Variants in GART observed in about 807,000 individuals in gnomAD.
GART encodes trifunctional purine biosynthetic protein adenosine-3.
GART carries 43 observed loss-of-function variants against 107.2 expected under a neutral mutation model. That is an observed-to-expected ratio of 0.40 (90% CI 0.31 to 0.52). The LOEUF is 0.52. Among genes scored for constraint, GART ranks in the 20% least tolerant of loss-of-function variants. GART has a pLI of 0.52. For synonymous variants in GART, 434 were observed against 427.0 expected, an observed-to-expected ratio of 1.02 and a Z score of -0.20; for missense variants, 1,107 against 1,206.5, an observed-to-expected ratio of 0.92 and a Z score of 1.22.
At chr21:33,525,485 T>C (rs915912792) in intron 10 of GART, among the ~76,000 whole-genome samples, 9 of 152,222 alleles carry the variant, frequency 5.9e-5, no homozygotes, top group African/African-American at 2.2e-4. Context: ...GCCAAGCTAG[T>C]AGTGGTGTGA....
chr21:33,517,239 C>G (rs1463970763), intron 15 of GART, 98 bp from the exon 16 acceptor site: 9 of 1,558,644 alleles, frequency 5.8e-6, no homozygotes, highest in African/African-American at 1.4e-5. Flanking sequence ...ACAATAATGA[C>G]CAAGTAGCAA....
intron 11 of GART, among the ~76,000 whole-genome samples, chr21:33,523,487 T>C (rs1290436711): frequency 1.3e-5 from 2 of 152,234 alleles, no homozygotes; most frequent in Non-Finnish European, 1.5e-5. Flanking sequence ...CATTTTTAAA[T>C]GAAAAATAAA....
chr21:33,513,345 G>A (rs536091437), intron 16 of GART, among the ~76,000 whole-genome samples: 6 of 152,096 alleles, frequency 3.9e-5, no homozygotes, highest in South Asian at 2.1e-4. Flanking sequence ...GCCGAGGCCC[G>A]CAGATCACGA....
chr21:33,504,849 C>T (rs2084652514), intron 20 of GART, among the ~76,000 whole-genome samples: 1 of 152,188 alleles, frequency 6.6e-6, no homozygotes, highest in Non-Finnish European at 1.5e-5. Context: ...GAGGTTCTTA[C>T]ATAGCATCTA....
At chr21:33,510,221 T>G in intron 17 of GART, 1 of 243,784 alleles carries the variant, frequency 4.1e-6, no homozygotes, top group Non-Finnish European at 7.9e-6. Context: ...CAAATCTTCC[T>G]AGCGAGACCA....
chr21:33,508,174 C>T (rs1265166662), intron 18 of GART, among the ~76,000 whole-genome samples: 1 of 152,002 alleles, frequency 6.6e-6, no homozygotes, highest in Non-Finnish European at 1.5e-5. Context: ...GTAATTGCTC[C>T]CACAAATTCT....
intron 18 of GART, among the ~76,000 whole-genome samples, chr21:33,508,198 T>G (rs1028656838): frequency 2.0e-5 from 3 of 152,184 alleles, no homozygotes; most frequent in African/African-American, 7.2e-5. Context: ...TCTTGTGATC[T>G]AGCATTGTAG....
At position 33,505,581 on chromosome 21, in the gene GART, G is replaced by T; in HGVS notation, c.2705C>A (p.Pro902His). The T allele has an allele frequency of 6.3e-7, 1 of 1,592,956 alleles. No individual in the cohort carries two copies. The highest frequency in any genetic ancestry group is 8.5e-7 in the Non-Finnish European group (1 of 1,173,268). ...LAGFMRILSG[P>H]FVQKWNGKML... The stretch of plus-strand genomic sequence containing the variant: ...CTTACCATTCCACTTTTGGACAAAG[G>T]GGCCAGAAAGAATTCTCATGAATCC... Residue 902 changes from proline (P) to histidine (H), a missense_variant, in exon 20 of 22, where the codon CCC becomes CAC. Pro to His is a moderately conservative substitution (Grantham distance 77). Transcript: ENST00000381815.
chr21:33,528,637 G>T, intron 8 of GART, 33 bp from the exon 9 acceptor site: 1 of 1,260,038 alleles, frequency 7.9e-7, no homozygotes, highest in Middle Eastern at 2.0e-4. Context: ...AAAAAAGAGA[G>T]AAAGAAAATC....
intron 18 of GART, among the ~76,000 whole-genome samples, chr21:33,508,708 G>A (rs1046352532): frequency 6.6e-6 from 1 of 151,734 alleles, no homozygotes; most frequent in African/African-American, 2.4e-5. Flanking sequence ...GTGGAGACAG[G>A]GTTTCACCAT....
intron 18 of GART, among the ~76,000 whole-genome samples, chr21:33,507,284 A>G (rs530503400): frequency 2.6e-5 from 4 of 152,322 alleles, no homozygotes; most frequent in East Asian, 1.9e-4. Flanking sequence ...GTTAAGTGAA[A>G]TAAGTCAGGC....
At chr21:33,524,546 C>A in intron 11 of GART, 1 of 1,232,528 alleles carries the variant, frequency 8.1e-7, no homozygotes, top group South Asian at 3.1e-5. Flanking sequence ...ATCAGTACCA[C>A]TGTGATTTTG....
chr21:33,542,194 C>G (rs1285943082), upstream of GART: 4 of 152,296 alleles, frequency 2.6e-5, no homozygotes, highest in Admixed American at 6.5e-5. Context: ...CCCCATTGGT[C>G]CGCGCGGCCC....
Position 33,532,447 on chromosome 21 carries a change from G to A in GART, c.426C>T (p.Phe142=). 6.2e-7 allele frequency: 1 copy of A among 1,613,092 alleles called. No individual in the cohort carries two copies. The highest frequency in any genetic ancestry group is 8.5e-7 in the Non-Finnish European group (1 of 1,179,456). The change falls in exon 5 of 22, where the codon TTC becomes TTT. Residue 142 remains phenylalanine, a synonymous_variant. Coordinates refer to ENST00000381815, the MANE Select transcript of GART (RefSeq NM_000819.5). ...CACTGGCCTTCACAACCAAAGCAGG[G>A]AAGTCTGCACTGTAAAGACAGAGTA... The part of the protein sequence containing the change: ...EACSFILSAD[F]PALVVKASGL...
At chr21:33,537,148 A>G (rs1006634124) in intron 2 of GART, among the ~76,000 whole-genome samples, 1 of 152,164 alleles carries the variant, frequency 6.6e-6, no homozygotes, top group African/African-American at 2.4e-5. Context: ...GTAGTCTTAC[A>G]AGACTACTTG....
At chr21:33,523,278 G>A (rs913908174) in intron 11 of GART, among the ~76,000 whole-genome samples, 1 of 152,206 alleles carries the variant, frequency 6.6e-6, no homozygotes, top group Non-Finnish European at 1.5e-5. Flanking sequence ...ACAGTTGAGT[G>A]CATTGGCAGT....
chr21:33,542,892 T>C, upstream of GART: 2 of 612,028 alleles, frequency 3.3e-6, no homozygotes, highest in Non-Finnish European at 5.8e-6. Flanking sequence ...TCAGCACCTC[T>C]ACCCCAGCCG....
intron 8 of GART, 61 bp from the exon 9 acceptor site, chr21:33,528,665 A>T: frequency 1.7e-6 from 2 of 1,189,464 alleles, no homozygotes. Flanking sequence ...AAGACACTGT[A>T]TTACAAATAT....
chr21:33,513,087 G>C (rs1025625661), intron 16 of GART, among the ~76,000 whole-genome samples: 1 of 121,298 alleles, frequency 8.2e-6, no homozygotes, highest in African/African-American at 3.3e-5. Flanking sequence ...GGTTATTTGT[G>C]TGTGTGTGTG....
Sources: allele counts gnomAD v4.1 joint callset (sites outside exome capture counted in the v4.1 genomes callset), GRCh38; gene constraint gnomAD v4.1.1; transcripts MANE v1.5; gene names NCBI Gene and HGNC (gene_info 2026-07-23, HGNC 2026-07-21).